Variants in SPDYE10 observed in about 807,000 individuals in gnomAD.
SPDYE10 encodes the protein speedy/RINGO cell cycle regulator family member E10.
At chr7:73,145,006 CA>C in the SPDYE10 span, among the ~76,000 whole-genome samples, 3,874 of 39,124 alleles carry the variant, frequency 0.099, 1 homozygote, top group Non-Finnish European at 0.12. Flanking sequence ...GGCTTCGTCT[CA>C]AAAAAAAAAA....
At chr7:73,137,486 C>T in the SPDYE10 span, among the ~76,000 whole-genome samples, 6 of 147,922 alleles carry the variant, frequency 4.1e-5, no homozygotes, top group Non-Finnish European at 3.0e-5. Context: ...CGTGCTGCTG[C>T]ACTCCAGCCT....
the SPDYE10 span, among the ~76,000 whole-genome samples, chr7:73,134,842 A>G: frequency 6.6e-6 from 1 of 152,286 alleles, no homozygotes; most frequent in Non-Finnish European, 1.5e-5. Flanking sequence ...AGCCTGGGCA[A>G]CAGAAACCGC....
At chr7:73,122,978 C>A in the SPDYE10 span, among the ~76,000 whole-genome samples, 1 of 152,226 alleles carries the variant, frequency 6.6e-6, no homozygotes, top group South Asian at 2.1e-4. Context: ...GGATCCAGGT[C>A]CAATTCCCAT....
At chr7:73,118,107 C>T in the SPDYE10 span, among the ~76,000 whole-genome samples, 1 of 142,848 alleles carries the variant, frequency 7.0e-6, no homozygotes, top group Non-Finnish European at 1.5e-5. Flanking sequence ...GCTGAAATCG[C>T]ACCACTGCAC....
the SPDYE10 span, among the ~76,000 whole-genome samples, chr7:73,144,913 G>T: frequency 1.2e-5 from 1 of 83,234 alleles, no homozygotes; most frequent in Admixed American, 1.3e-4. Context: ...CTACTCGGGA[G>T]GCTGAGGCAT....
chr7:73,127,651 A>AT, the SPDYE10 span, among the ~76,000 whole-genome samples: 1 of 129,578 alleles, frequency 7.7e-6, no homozygotes, highest in Non-Finnish European at 1.7e-5. Context: ...AAAAAAAAAA[A>AT]AAAAACAGGC....
At chr7:73,113,612 G>C in the SPDYE10 span, among the ~76,000 whole-genome samples, 1 of 150,856 alleles carries the variant, frequency 6.6e-6, no homozygotes, top group Non-Finnish European at 1.5e-5. Flanking sequence ...TGTGGGTTCC[G>C]GCCAGGCACA....
chr7:73,115,103 C>G, the SPDYE10 span, among the ~76,000 whole-genome samples: 5 of 151,624 alleles, frequency 3.3e-5, no homozygotes, highest in Non-Finnish European at 5.9e-5. Flanking sequence ...ACCATGTTGA[C>G]CAAGCTGGTC....
chr7:73,116,870 T>G, the SPDYE10 span, among the ~76,000 whole-genome samples: 1 of 148,886 alleles, frequency 6.7e-6, no homozygotes, highest in African/African-American at 2.5e-5. Flanking sequence ...CATGAGCCAC[T>G]GCACCCAGCC....
At chr7:73,116,844 G>C in the SPDYE10 span, among the ~76,000 whole-genome samples, 1 of 148,938 alleles carries the variant, frequency 6.7e-6, no homozygotes, top group Admixed American at 6.6e-5. Flanking sequence ...GCCTCCCAAA[G>C]TGCTGCAATT....
the SPDYE10 span, among the ~76,000 whole-genome samples, chr7:73,150,946 A>ATTTTTT: frequency 8.8e-5 from 1 of 11,326 alleles, no homozygotes; most frequent in African/African-American, 4.1e-4. Context: ...ATATATATAT[A>ATTTTTT]TATTTTTTTT....
chr7:73,113,775 C>T, the SPDYE10 span, among the ~76,000 whole-genome samples: 3 of 152,104 alleles, frequency 2.0e-5, no homozygotes, highest in East Asian at 3.9e-4. Flanking sequence ...ATGGCTCATG[C>T]CTGTAATCCC....
chr7:73,114,640 G>A, the SPDYE10 span, among the ~76,000 whole-genome samples: 44 of 140,246 alleles, frequency 3.1e-4, no homozygotes, highest in African/African-American at 6.7e-4. Context: ...GGGTTCGAGC[G>A]ATTCTCTGAT....
the SPDYE10 span, among the ~76,000 whole-genome samples, chr7:73,123,943 G>GT: frequency 6.6e-5 from 10 of 151,514 alleles, no homozygotes; most frequent in East Asian, 1.9e-4. Flanking sequence ...GGGTTTTTTT[G>GT]TTTTTTTGTT....
the SPDYE10 span, among the ~76,000 whole-genome samples, chr7:73,128,050 A>AG: frequency 1.3e-5 from 2 of 150,360 alleles, no homozygotes; most frequent in African/African-American, 4.9e-5. Context: ...AGAGAAAAAA[A>AG]CAGAAACAAA....
At chr7:73,104,600 A>G in the SPDYE10 span, 247 of 129,126 alleles carry the variant, frequency 1.9e-3, no homozygotes, top group African/African-American at 6.3e-3. Context: ...ATAAACCAAT[A>G]AAATAGATAG....
At chr7:73,113,942 C>T in the SPDYE10 span, among the ~76,000 whole-genome samples, 5 of 151,808 alleles carry the variant, frequency 3.3e-5, no homozygotes, top group East Asian at 3.9e-4. Flanking sequence ...AGGAGAATGG[C>T]GTGAACCCAG....
At chr7:73,125,231 G>A in the SPDYE10 span, among the ~76,000 whole-genome samples, 5 of 149,118 alleles carry the variant, frequency 3.4e-5, no homozygotes, top group African/African-American at 1.0e-4. Context: ...TGGCCACCAC[G>A]GCTCTCTCAG....
chr7:73,142,782 A>G, the SPDYE10 span, among the ~76,000 whole-genome samples: 2 of 152,166 alleles, frequency 1.3e-5, no homozygotes, highest in Admixed American at 6.5e-5. Flanking sequence ...GCTATACAAA[A>G]ATTAGCCGGG....
Sources: allele counts gnomAD v4.1 joint callset (sites outside exome capture counted in the v4.1 genomes callset), GRCh38; gene constraint gnomAD v4.1.1; transcripts MANE v1.5; gene names NCBI Gene and HGNC (gene_info 2026-07-23, HGNC 2026-07-21).